Variants in C12orf42 observed in about 807,000 individuals in gnomAD.
C12orf42 encodes the protein chromosome 12 open reading frame 42.
Under a neutral mutation model 21.6 loss-of-function variants are expected in C12orf42, and 25 were observed. The observed-to-expected ratio is 1.16, with a 90% confidence interval of 0.84 to 1.62. The LOEUF (loss-of-function observed/expected upper bound fraction) is 1.62. Among genes scored for constraint, C12orf42 ranks in the 40% most tolerant of loss-of-function variants. The pLI is 0.00. For missense variants in C12orf42, 483 were observed against 459.3 expected (o/e 1.05, Z -0.47); for synonymous variants, 174 against 175.0 (o/e 0.99, Z 0.05).
chr12:103,244,651 A>G (rs2033924421), intron 10 of C12orf42, among the ~76,000 whole-genome samples: 1 of 152,054 alleles, frequency 6.6e-6, no homozygotes, highest in African/African-American at 2.4e-5. Context: ...TAACTATACT[A>G]TAAATAACCA....
chr12:103,553,757 T>C, the C12orf42 span, among the ~76,000 whole-genome samples: 1 of 152,142 alleles, frequency 6.6e-6, no homozygotes, highest in East Asian at 1.9e-4. Context: ...CCCAGATGGT[T>C]CCTATGATCA....
the C12orf42 span, among the ~76,000 whole-genome samples, chr12:103,194,240 G>T: frequency 1.3e-5 from 2 of 152,028 alleles, no homozygotes; most frequent in Non-Finnish European, 2.9e-5. Context: ...AAATTGAAGA[G>T]CTTTTCCTGT....
At chr12:103,412,452 T>C (rs1306290708) in intron 2 of C12orf42, among the ~76,000 whole-genome samples, 1 of 152,196 alleles carries the variant, frequency 6.6e-6, no homozygotes, top group Non-Finnish European at 1.5e-5. Context: ...GCAGATCACC[T>C]GGGGTCAGGA....
At chr12:103,342,919 C>G (rs978521849) in intron 4 of C12orf42, among the ~76,000 whole-genome samples, 12 of 152,288 alleles carry the variant, frequency 7.9e-5, no homozygotes, top group African/African-American at 2.9e-4. Flanking sequence ...CCTTTACCTC[C>G]TCACCCTGTG....
chr12:103,514,188 A>G, the C12orf42 span, among the ~76,000 whole-genome samples: 1 of 152,190 alleles, frequency 6.6e-6, no homozygotes, highest in Admixed American at 6.5e-5. Flanking sequence ...CTCACTCACT[A>G]TCACAAGAAC....
At chr12:103,417,042 T>C (rs1179189512) in intron 2 of C12orf42, among the ~76,000 whole-genome samples, 1 of 152,178 alleles carries the variant, frequency 6.6e-6, no homozygotes, top group Admixed American at 6.5e-5. Context: ...ATAAAAGCTA[T>C]CTGAATGTAC....
At chr12:103,390,478 C>T (rs2046980610) in intron 3 of C12orf42, among the ~76,000 whole-genome samples, 1 of 152,206 alleles carries the variant, frequency 6.6e-6, no homozygotes, top group South Asian at 2.1e-4. Flanking sequence ...TCCCCAGCCC[C>T]TGGTAACCTC....
At chr12:103,250,876 G>C (rs980294715) in intron 10 of C12orf42, among the ~76,000 whole-genome samples, 1 of 97,438 alleles carries the variant, frequency 1.0e-5, no homozygotes, top group Non-Finnish European at 2.3e-5. Flanking sequence ...TTTTATCACT[G>C]TGTGTGTGTG....
At chr12:103,303,966 G>T (rs574327239) in intron 5 of C12orf42, among the ~76,000 whole-genome samples, 7 of 152,320 alleles carry the variant, frequency 4.6e-5, no homozygotes, top group Non-Finnish European at 7.4e-5. Flanking sequence ...TAGCTTTGGA[G>T]TTTGGAGCAA....
intron 4 of C12orf42, among the ~76,000 whole-genome samples, chr12:103,333,929 A>G (rs1460119581): frequency 6.6e-6 from 1 of 152,224 alleles, no homozygotes; most frequent in Non-Finnish European, 1.5e-5. Flanking sequence ...TTATAACAGC[A>G]GCATAAGTGC....
At chr12:103,163,939 A>G in the C12orf42 span, among the ~76,000 whole-genome samples, 1 of 152,208 alleles carries the variant, frequency 6.6e-6, no homozygotes, top group Non-Finnish European at 1.5e-5. Flanking sequence ...AGGTCAATTT[A>G]TCCCAGTCCT....
At chr12:103,079,257 T>C in the C12orf42 span, among the ~76,000 whole-genome samples, 1 of 152,122 alleles carries the variant, frequency 6.6e-6, no homozygotes, top group Non-Finnish European at 1.5e-5. Flanking sequence ...CCCAAGGCAC[T>C]CATACTTGGT....
At chr12:103,145,974 GAGAA>G in the C12orf42 span, among the ~76,000 whole-genome samples, 2 of 152,016 alleles carry the variant, frequency 1.3e-5, no homozygotes, top group Admixed American at 6.6e-5. Context: ...GAGAGAAAGA[GAGAA>G]AGAGAGAGAG....
chr12:103,262,053 G>A (rs2034925051), intron 10 of C12orf42, among the ~76,000 whole-genome samples: 4 of 152,166 alleles, frequency 2.6e-5, no homozygotes, highest in Admixed American at 2.0e-4. Flanking sequence ...TTATAGATAT[G>A]AAGTTCACAA....
intron 4 of C12orf42, among the ~76,000 whole-genome samples, chr12:103,351,702 G>C (rs1402296254): frequency 1.3e-5 from 2 of 152,030 alleles, no homozygotes; most frequent in Non-Finnish European, 2.9e-5. Flanking sequence ...TTTAAGATGT[G>C]TCACCCCTAA....
intron 4 of C12orf42, among the ~76,000 whole-genome samples, chr12:103,361,267 C>A (rs1023143145): frequency 2.0e-5 from 3 of 152,074 alleles, no homozygotes; most frequent in Non-Finnish European, 4.4e-5. Flanking sequence ...CACTGAGGAA[C>A]CTCAAGGTCT....
the C12orf42 span, among the ~76,000 whole-genome samples, chr12:103,182,311 A>G: frequency 6.6e-6 from 1 of 152,192 alleles, no homozygotes; most frequent in Non-Finnish European, 1.5e-5. Flanking sequence ...AAATGAGGTT[A>G]AGGCATTATG....
chr12:103,147,077 G>C, the C12orf42 span, among the ~76,000 whole-genome samples: 1 of 152,132 alleles, frequency 6.6e-6, no homozygotes, highest in Non-Finnish European at 1.5e-5. Context: ...AAGAAGGCCC[G>C]TAAGTATACA....
At chr12:103,435,059 C>G (rs959098477) in intron 2 of C12orf42, among the ~76,000 whole-genome samples, 19 of 152,178 alleles carry the variant, frequency 1.2e-4, no homozygotes, top group African/African-American at 4.6e-4. Flanking sequence ...GATCTGAGAA[C>G]AGGCAGACTG....
Sources: allele counts gnomAD v4.1 joint callset (sites outside exome capture counted in the v4.1 genomes callset), GRCh38; gene constraint gnomAD v4.1.1; transcripts MANE v1.5; gene names NCBI Gene and HGNC (gene_info 2026-07-23, HGNC 2026-07-21).